IMPG1: variants seen among roughly 807,000 people sequenced by gnomAD.
IMPG1 encodes interphotoreceptor matrix proteoglycan 1.
IMPG1 carries 85 observed loss-of-function variants against 92.0 expected under a neutral mutation model. That is an observed-to-expected ratio of 0.92 (90% CI 0.78 to 1.11). The LOEUF (loss-of-function observed/expected upper bound fraction) is 1.11, where lower values mean the gene tolerates loss of function less well. IMPG1 is among the 50% of genes least tolerant of loss of function. The pLI, the probability that IMPG1 is intolerant of heterozygous loss-of-function variation, is 0.00. For missense variants in IMPG1, 1,022 were observed against 956.0 expected (o/e 1.07, Z -0.91); for synonymous variants, 367 against 334.1 (o/e 1.10, Z -1.08).
Position 76,041,964 on chromosome 6 carries a change from C to A in IMPG1, c.230G>T (p.Gly77Val). 1 of 1,614,000 alleles carries A rather than the reference C, an allele frequency of 6.2e-7. No homozygotes were observed. The highest frequency in any genetic ancestry group is 1.1e-5 in the South Asian group (1 of 91,078). The change falls in exon 2 of 17, where the codon GGG becomes GTG. Residue 77 changes from glycine to valine, a missense_variant. Gly to Val is a moderately radical substitution (Grantham distance 109). Transcript: ENST00000369950. ...GGATTCCTGTGGACAGACTTTAACCCCCGTTGGGAAAAATGCGGATCTTTT... is the reference window on the plus strand; with the variant it reads ...GGATTCCTGTGGACAGACTTTAACCACCGTTGGGAAAAATGCGGATCTTTT... ...RTKRSAFFPT[G>V]VKVCPQESMK...
At chr6:75,970,640 T>A (rs899907732) in intron 12 of IMPG1, among the ~76,000 whole-genome samples, 1 of 152,220 alleles carries the variant, frequency 6.6e-6, no homozygotes, top group Non-Finnish European at 1.5e-5. Context: ...GGTTTCCTGG[T>A]GGCCTTAAAA....
intron 12 of IMPG1, among the ~76,000 whole-genome samples, chr6:75,972,246 G>A (rs1562353399): frequency 1.3e-5 from 2 of 152,120 alleles, no homozygotes; most frequent in Non-Finnish European, 2.9e-5. Context: ...GAACCAAAAA[G>A]TGCCCAGCCC....
rs1270478710 is a variant in IMPG1 at position 76,060,730 on chromosome 6, G to A, written c.67+11692C>T. 2.6e-5 allele frequency among the ~76,000 whole-genome samples: 4 copies of A among 152,070 alleles called. No homozygotes were observed. In the East Asian group the frequency reaches 7.7e-4, roughly 29 times the overall value. ...ATTGCTTTGTGTTTTTCTAAGGCTT[G>A]GTACCACAAGTTCCTTCCCCACGAC... On this transcript the variant is annotated intron_variant, in intron 1 of 16. Coordinates refer to ENST00000369950, the MANE Select transcript of IMPG1 (RefSeq NM_001563.4).
intron 1 of IMPG1, among the ~76,000 whole-genome samples, chr6:76,061,996 TAAAAG>T (rs1349978709): frequency 2.0e-5 from 3 of 152,210 alleles, no homozygotes; most frequent in Non-Finnish European, 2.9e-5. Flanking sequence ...CTGCAAAACT[TAAAAG>T]AAGCCTTTTG....
chr6:75,941,651 C>T lies in IMPG1; in HGVS notation c.2044+5663G>A, dbSNP rs574124817. On this transcript the variant is annotated intron_variant, in intron 14 of 16. Transcript: ENST00000369950. ...TATTTACTATGGATTATGGTCCAGA[C>T]GTTTTACAACTCTATAAAATTAGAA... is the stretch of plus-strand genomic sequence containing the variant. Among the ~76,000 whole-genome samples the T allele has an allele frequency of 4.6e-5, 7 of 152,290 alleles. No homozygotes were observed. The South Asian group carries it at 1.0e-3, about 23-fold the overall frequency.
intron 14 of IMPG1, among the ~76,000 whole-genome samples, chr6:75,933,374 TAG>T (rs781152777): frequency 2.6e-5 from 4 of 152,204 alleles, no homozygotes; most frequent in Non-Finnish European, 5.9e-5. Context: ...GTTGGTACTA[TAG>T]AGAGATTTCA....
chr6:76,066,187 G>A (rs887784352), intron 1 of IMPG1, among the ~76,000 whole-genome samples: 1 of 152,042 alleles, frequency 6.6e-6, no homozygotes, highest in Non-Finnish European at 1.5e-5. Context: ...TTAGGTAACA[G>A]TTAACAGTAT....
rs1305816442 is a variant in IMPG1, at chr6:75,974,299, CTTT to C, written c.1292-23208_1292-23206del. Among the ~76,000 whole-genome samples, 310 of 141,716 alleles carry C rather than the reference CTTT, an allele frequency of 2.2e-3. 4 individuals are homozygous for C. Among genetic ancestry groups the C allele is most frequent in the African/African-American group, 8.8e-3 (297 of 33,716 alleles). The allele number at this position is 141,716 out of a possible 152,430, so 93.0% of individuals were successfully genotyped here. A position where few individuals can be genotyped will look rare whatever the true frequency, so the allele number is the denominator to read the frequency against. On this transcript the variant is annotated intron_variant, in intron 12 of 16. Transcript: ENST00000369950. ...TTCTCTCTCTTCTTTCTTTCTCTTT[CTTT>C]TCTTTTCTTTCTTTCCCTCTTTCTT... is the stretch of plus-strand genomic sequence containing the variant.
At chr6:76,006,294 T>C (rs763583392) in intron 9 of IMPG1, among the ~76,000 whole-genome samples, 5 of 149,852 alleles carry the variant, frequency 3.3e-5, no homozygotes, top group Non-Finnish European at 1.5e-5. Context: ...ATGTAAGATA[T>C]AGCAGTAGGA....
At chr6:75,972,065 A>T (rs1782429056) in intron 12 of IMPG1, among the ~76,000 whole-genome samples, 2 of 152,172 alleles carry the variant, frequency 1.3e-5, no homozygotes. Context: ...CTTTAACAAG[A>T]GTTAGTCTAG....
intron 14 of IMPG1, among the ~76,000 whole-genome samples, chr6:75,937,400 T>A (rs1210871918): frequency 6.6e-6 from 1 of 152,176 alleles, no homozygotes; most frequent in Admixed American, 6.5e-5. Flanking sequence ...ATAAACAGCC[T>A]CTATAACCCA....
intron 16 of IMPG1, among the ~76,000 whole-genome samples, chr6:75,922,872 T>G (rs545107346): frequency 3.9e-5 from 6 of 152,152 alleles, no homozygotes; most frequent in Middle Eastern, 3.4e-3. Flanking sequence ...ATATTAACTA[T>G]GATAACTTTT....
chr6:75,954,417 A>C (rs555241197), intron 12 of IMPG1, among the ~76,000 whole-genome samples: 1 of 152,260 alleles, frequency 6.6e-6, no homozygotes, highest in African/African-American at 2.4e-5. Flanking sequence ...TCTCCTTTTC[A>C]GAAGTGTCTG....
chr6:76,039,479 CT>C (rs1783797818), intron 2 of IMPG1, among the ~76,000 whole-genome samples: 1 of 152,058 alleles, frequency 6.6e-6, no homozygotes, highest in African/African-American at 2.4e-5. Flanking sequence ...CCTCAGCCTC[CT>C]GAGTTGCTGG....
At chr6:76,071,601 C>T (rs972414100) in intron 1 of IMPG1, among the ~76,000 whole-genome samples, 1 of 151,986 alleles carries the variant, frequency 6.6e-6, no homozygotes, top group South Asian at 2.1e-4. Flanking sequence ...ATTAATTTTA[C>T]TTTTTCATGG....
At chr6:75,931,837 T>G (rs1266358641) in intron 14 of IMPG1, among the ~76,000 whole-genome samples, 1 of 152,236 alleles carries the variant, frequency 6.6e-6, no homozygotes, top group Non-Finnish European at 1.5e-5. Context: ...CTTTGGGAAG[T>G]GGATTAGAAA....
chr6:76,064,370 CT>C (rs10706748), intron 1 of IMPG1, among the ~76,000 whole-genome samples: 113,473 of 130,456 alleles, frequency 0.87, 49,636 homozygotes, highest in South Asian at 0.93. Context: ...ATTTTTTTTT[CT>C]TTTTTTTTTT....
intron 12 of IMPG1, among the ~76,000 whole-genome samples, chr6:75,955,821 T>C (rs944302285): frequency 5.9e-5 from 9 of 152,250 alleles, no homozygotes; most frequent in Non-Finnish European, 1.3e-4. Flanking sequence ...GGCTGTTGAA[T>C]TTTATTGAAG....
At chr6:76,001,067 G>A (rs920917427) in intron 12 of IMPG1, among the ~76,000 whole-genome samples, 1 of 152,168 alleles carries the variant, frequency 6.6e-6, no homozygotes, top group African/African-American at 2.4e-5. Context: ...AAACACAGAA[G>A]CTTAACCAAA....
Sources: gnomAD v4.1 joint callset for allele counts (sites outside exome capture counted in the v4.1 genomes callset) on GRCh38, gnomAD v4.1.1 for gene constraint, MANE v1.5 for transcripts, NCBI Gene and HGNC (gene_info 2026-07-23, HGNC 2026-07-21) for gene names.